SORCS3: variants seen among roughly 807,000 people sequenced by gnomAD.
SORCS3 encodes sortilin related VPS10 domain containing receptor 3, also known as VPS10 domain-containing receptor SorCS3.
A neutral mutation model predicts 146.3 loss-of-function variants in SORCS3; 57 were observed. That is an observed-to-expected ratio of 0.39 (90% CI 0.31 to 0.49). SORCS3 has a LOEUF of 0.49. Ranked by LOEUF, SORCS3 falls within the 20% of genes least tolerant of loss-of-function variation. The pLI is 0.92. For missense variants in SORCS3, 1,341 were observed against 1,575.5 expected (o/e 0.85, Z 2.52); for synonymous variants, 653 against 618.5 (o/e 1.06, Z -0.83).
chr10:104,702,959 A>C (rs1333566528), intron 1 of SORCS3, among the ~76,000 whole-genome samples: 1 of 152,220 alleles, frequency 6.6e-6, no homozygotes, highest in African/African-American at 2.4e-5. Context: ...GCATTGGAGA[A>C]ATAATGGCAA....
At chr10:104,678,658 C>T (rs568390733) in intron 1 of SORCS3, among the ~76,000 whole-genome samples, 1 of 152,274 alleles carries the variant, frequency 6.6e-6, no homozygotes, top group South Asian at 2.1e-4. Flanking sequence ...ACATCTGTCC[C>T]AGTATTTCCT....
chr10:104,709,165 G>A (rs976470640), intron 1 of SORCS3, among the ~76,000 whole-genome samples: 3 of 152,176 alleles, frequency 2.0e-5, no homozygotes, highest in African/African-American at 7.2e-5. Context: ...CCTTCTGTGT[G>A]TTTGGGAGGA....
chr10:105,152,318 A>G (rs2056173495), intron 9 of SORCS3, among the ~76,000 whole-genome samples: 1 of 152,264 alleles, frequency 6.6e-6, no homozygotes, highest in South Asian at 2.1e-4. Flanking sequence ...TTTATAAAGT[A>G]AAAAACAAAC....
chr10:104,838,565 C>A (rs973126604), intron 1 of SORCS3, among the ~76,000 whole-genome samples: 10 of 152,164 alleles, frequency 6.6e-5, no homozygotes, highest in Admixed American at 6.5e-4. Context: ...TCCTATAATT[C>A]TCAGTGTTTT....
At chr10:104,654,448 A>G (rs775011134) in intron 1 of SORCS3, among the ~76,000 whole-genome samples, 9 of 152,166 alleles carry the variant, frequency 5.9e-5, no homozygotes, top group Non-Finnish European at 7.3e-5. Flanking sequence ...CCTTTTCTCC[A>G]TGTCCTCACC....
At chr10:104,744,356 T>C (rs541614370) in intron 1 of SORCS3, among the ~76,000 whole-genome samples, 70 of 152,354 alleles carry the variant, frequency 4.6e-4, no homozygotes, top group Admixed American at 9.1e-4. Flanking sequence ...AGTGAATCTG[T>C]TGAATGAGAT....
chr10:105,180,910 T>G (rs1254076769), intron 14 of SORCS3, among the ~76,000 whole-genome samples: 23 of 152,212 alleles, frequency 1.5e-4, no homozygotes, highest in Admixed American at 1.5e-3. Flanking sequence ...TGGCCTTATT[T>G]ATTTTTTCCT....
intron 1 of SORCS3, among the ~76,000 whole-genome samples, chr10:104,707,812 C>T (rs961339283): frequency 3.9e-5 from 6 of 152,152 alleles, no homozygotes; most frequent in Non-Finnish European, 7.4e-5. Flanking sequence ...TCCCTTCCCC[C>T]ATCCCCAGCC....
chr10:104,684,242 C>T (rs560826789), intron 1 of SORCS3, among the ~76,000 whole-genome samples: 31 of 152,296 alleles, frequency 2.0e-4, no homozygotes, highest in South Asian at 1.2e-3. Context: ...TATAGGGTGG[C>T]TGCGAGGATT....
intron 13 of SORCS3, among the ~76,000 whole-genome samples, chr10:105,169,629 G>A (rs1168685181): frequency 6.6e-6 from 1 of 152,072 alleles, no homozygotes; most frequent in African/African-American, 2.4e-5. Context: ...AAATAGAGGT[G>A]GGTAGGACTC....
At chr10:104,666,023 A>G (rs2133252925) in intron 1 of SORCS3, 1 of 152,026 alleles carries the variant, frequency 6.6e-6, no homozygotes, top group Admixed American at 6.6e-5. Flanking sequence ...TGTTCCTTTG[A>G]TTTCCTTTGA....
chr10:104,862,094 C>T lies in SORCS3; in HGVS notation c.695+19235C>T, dbSNP rs577263536. On this transcript the variant is annotated intron_variant, in intron 2 of 26. Coordinates refer to ENST00000369701, the MANE Select transcript of SORCS3 (RefSeq NM_014978.3). Reference sequence around the variant, plus strand: ...CAAATAAGGTCACATTCTGAGGTCCCAGGGTGAGTTCTTCAACAGGTGAAT... The same window carrying T: ...CAAATAAGGTCACATTCTGAGGTCCTAGGGTGAGTTCTTCAACAGGTGAAT... Among the ~76,000 whole-genome samples the T allele has an allele frequency of 3.9e-5, 6 of 152,266 alleles. No individual in the cohort carries two copies. The South Asian group carries it at 1.2e-3, about 32-fold the overall frequency.
At chr10:104,724,460 T>A (rs959876466) in intron 1 of SORCS3, among the ~76,000 whole-genome samples, 2 of 152,114 alleles carry the variant, frequency 1.3e-5, no homozygotes, top group Non-Finnish European at 2.9e-5. Context: ...TGTCTTGGAG[T>A]TGCTCTTCTC....
chr10:104,648,534 C>A (rs370922053), intron 1 of SORCS3, among the ~76,000 whole-genome samples: 2 of 152,102 alleles, frequency 1.3e-5, no homozygotes, highest in South Asian at 2.1e-4. Flanking sequence ...GGGCCATACT[C>A]TATAGTCAAC....
At chr10:105,242,364 ATATT>A (rs1205088193) in intron 20 of SORCS3, among the ~76,000 whole-genome samples, 3 of 123,242 alleles carry the variant, frequency 2.4e-5, no homozygotes, top group African/African-American at 9.5e-5. Flanking sequence ...ATATTTATAT[ATATT>A]TATACATATA....
chr10:105,141,537 C>T (rs557712596), intron 8 of SORCS3, among the ~76,000 whole-genome samples: 82 of 152,300 alleles, frequency 5.4e-4, no homozygotes, highest in Middle Eastern at 3.4e-3. Context: ...ATGAAAAGCT[C>T]CCTATCATCA....
intron 19 of SORCS3, among the ~76,000 whole-genome samples, chr10:105,221,567 A>C (rs756045613): frequency 4.6e-5 from 7 of 152,248 alleles, no homozygotes; most frequent in Non-Finnish European, 7.3e-5. Context: ...CTCATAAGAT[A>C]AAGGAAAAAA....
At chr10:104,999,804 G>C (rs1203522548) in intron 4 of SORCS3, among the ~76,000 whole-genome samples, 1 of 152,082 alleles carries the variant, frequency 6.6e-6, no homozygotes, top group Non-Finnish European at 1.5e-5. Flanking sequence ...CCACAAGTGG[G>C]ACTCAGATTC....
intron 2 of SORCS3, among the ~76,000 whole-genome samples, chr10:104,843,725 G>A (rs983109692): frequency 2.6e-5 from 4 of 152,296 alleles, no homozygotes; most frequent in African/African-American, 4.8e-5. Context: ...ACCTCCTCAC[G>A]TACATATGCA....
Sources: allele counts gnomAD v4.1 joint callset (sites outside exome capture counted in the v4.1 genomes callset), GRCh38; gene constraint gnomAD v4.1.1; transcripts MANE v1.5; gene names NCBI Gene and HGNC (gene_info 2026-07-23, HGNC 2026-07-21).